Variants in ROCK1 observed in about 807,000 individuals in gnomAD.
The protein encoded by ROCK1 is rho-associated protein kinase 1.
A neutral mutation model predicts 196.8 loss-of-function variants in ROCK1; 36 were observed. That is an observed-to-expected ratio of 0.18 (90% confidence interval 0.14 to 0.24). The LOEUF is 0.24. ROCK1 is among the 10% of genes least tolerant of loss of function. The pLI is 1.00. For synonymous variants in ROCK1, 443 were observed against 515.9 expected (o/e 0.86, Z 1.91); for missense variants, 920 against 1,562.0 (o/e 0.59, Z 6.93).
chr18:20,963,851 A>G (rs981627307), intron 27 of ROCK1, among the ~76,000 whole-genome samples: 2 of 152,196 alleles, frequency 1.3e-5, no homozygotes, highest in Non-Finnish European at 2.9e-5. Flanking sequence ...CAAAGAGAAG[A>G]TAAAGACATA....
At chr18:21,068,296 T>G (rs1198186582) in intron 2 of ROCK1, among the ~76,000 whole-genome samples, 1 of 152,206 alleles carries the variant, frequency 6.6e-6, no homozygotes, top group African/African-American at 2.4e-5. Flanking sequence ...TTTGTTGAAA[T>G]CAATTAACCA....
At chr18:20,974,115 T>TCC (rs996799118) in intron 22 of ROCK1, among the ~76,000 whole-genome samples, 3 of 152,142 alleles carry the variant, frequency 2.0e-5, no homozygotes, top group African/African-American at 7.2e-5. Context: ...AATATCCTCC[T>TCC]CCCCCAGTTT....
Position 20,960,179 on chromosome 18 carries a change from A to G in ROCK1, c.3380T>C (p.Val1127Ala). 2 of 1,599,160 alleles carry G rather than the reference A, an allele frequency of 1.3e-6. No individual in the cohort carries two copies. Among genetic ancestry groups the G allele is most frequent in the South Asian group, 1.1e-5 (1 of 90,784 alleles). ...TCGTTTGATATTTCCTCTATTTGGTACTGAAAGCCAACCTTCAATTCTTGA... is the reference window on the plus strand; with the variant it reads ...TCGTTTGATATTTCCTCTATTTGGTGCTGAAAGCCAACCTTCAATTCTTGA... ...PESRIEGWLS[V>A]PNRGNIKRYG... The change falls in exon 28 of 33, where the codon GTA becomes GCA. Residue 1127 changes from valine to alanine, a missense_variant. Val to Ala is a moderately conservative substitution (Grantham distance 64). This residue lies in a region of ROCK1 where 116 missense variants were observed against 204.2 expected (regional missense o/e 0.57). Transcript: ENST00000399799.
chr18:20,971,345 T>TACAC (rs368486910), intron 22 of ROCK1, among the ~76,000 whole-genome samples: 125,705 of 147,498 alleles, frequency 0.85, 54,612 homozygotes, highest in East Asian at 0.98. Flanking sequence ...CACACACACA[T>TACAC]ACACACAGAA....
At chr18:20,988,017 T>TTA (rs1363662972) in intron 18 of ROCK1, among the ~76,000 whole-genome samples, 1 of 152,132 alleles carries the variant, frequency 6.6e-6, no homozygotes, top group Non-Finnish European at 1.5e-5. Context: ...ATAGATGCCT[T>TTA]TACTTCTGGC....
In ROCK1 at chr18:20,992,873, T is replaced by G; in HGVS notation, c.1950A>C (p.Gly650=). The change falls in exon 17 of 33, where the codon GGA becomes GGC. Residue 650 remains glycine (G), a synonymous_variant. Coordinates refer to ENST00000399799, the MANE Select transcript of ROCK1 (RefSeq NM_005406.3). The part of the protein sequence containing the change: ...HLKHNLEKVE[G]ERKEAQDMLN... ...GCATGTCTTGAGCCTCTTTTCTTTC[T>G]CCTTCCACTTTTTCGAGATTATGTT... 1 of 1,612,382 alleles carries G rather than the reference T, an allele frequency of 6.2e-7. No individual in the cohort carries two copies. Among genetic ancestry groups the G allele is most frequent in the African/African-American group, 1.3e-5 (1 of 75,010 alleles).
chr18:21,043,151 AT>A (rs961248948), intron 6 of ROCK1, among the ~76,000 whole-genome samples: 1 of 152,166 alleles, frequency 6.6e-6, no homozygotes, highest in African/African-American at 2.4e-5. Context: ...TTTACAACAT[AT>A]TGGTATAAAC....
chr18:21,091,652 T>C (rs1207059554), intron 1 of ROCK1, among the ~76,000 whole-genome samples: 2 of 151,900 alleles, frequency 1.3e-5, no homozygotes, highest in Non-Finnish European at 2.9e-5. Flanking sequence ...GCTAGTTGAA[T>C]CTTTACATTA....
chr18:21,000,828 G>A (rs2035717379), intron 16 of ROCK1, among the ~76,000 whole-genome samples: 1 of 152,144 alleles, frequency 6.6e-6, no homozygotes, highest in South Asian at 2.1e-4. Context: ...AAATGGTGCA[G>A]CCATTGCAGA....
At chr18:21,041,576 C>CTA (rs2036107172) in intron 8 of ROCK1, among the ~76,000 whole-genome samples, 1 of 151,986 alleles carries the variant, frequency 6.6e-6, no homozygotes, top group South Asian at 2.1e-4. Flanking sequence ...GGAACACCAA[C>CTA]TATTATGTCT....
At chr18:21,033,572 T>G (rs2036028761) in intron 9 of ROCK1, among the ~76,000 whole-genome samples, 1 of 151,814 alleles carries the variant, frequency 6.6e-6, no homozygotes, top group Admixed American at 6.6e-5. Context: ...GATCCTATCA[T>G]AGAAAACCCT....
intron 4 of ROCK1, among the ~76,000 whole-genome samples, chr18:21,046,778 T>C (rs115306079): frequency 0.014 from 2,145 of 152,342 alleles, 57 homozygotes; most frequent in African/African-American, 0.05. Context: ...ATGTTTGTCT[T>C]AAAATCTTCT....
At chr18:21,075,810 G>C (rs767387673) in intron 1 of ROCK1, among the ~76,000 whole-genome samples, 2 of 151,818 alleles carry the variant, frequency 1.3e-5, no homozygotes, top group African/African-American at 4.8e-5. Flanking sequence ...AAAATTAGCC[G>C]GGTATGGGGA....
intron 29 of ROCK1, among the ~76,000 whole-genome samples, chr18:20,959,365 C>T: frequency 6.8e-6 from 1 of 147,810 alleles, no homozygotes; most frequent in Non-Finnish European, 1.5e-5. Context: ...GCGCCTGCCA[C>T]CACGCCCAGC....
intron 9 of ROCK1, among the ~76,000 whole-genome samples, chr18:21,031,698 A>T (rs2036009454): frequency 6.6e-6 from 1 of 151,928 alleles, no homozygotes; most frequent in South Asian, 2.1e-4. Context: ...AAACTCTCTT[A>T]AATGTGTTCA....
intron 1 of ROCK1, among the ~76,000 whole-genome samples, chr18:21,098,635 CAAA>C (rs56405711): frequency 2.8e-5 from 4 of 140,938 alleles, no homozygotes; most frequent in Admixed American, 7.0e-5. Flanking sequence ...TGAAAAATTG[CAAA>C]AAAAAAAAAA....
intron 27 of ROCK1, among the ~76,000 whole-genome samples, chr18:20,964,320 CT>C (rs2035353337): frequency 6.6e-6 from 1 of 152,034 alleles, no homozygotes; most frequent in Non-Finnish European, 1.5e-5. Context: ...TGATATGTAA[CT>C]ATCTAATATT....
At position 21,002,919 on chromosome 18, in the gene ROCK1, T is replaced by C. The variant is rs1170385503; in HGVS notation, c.1885+3432A>G. On this transcript the variant is annotated intron_variant, in intron 16 of 32. Coordinates refer to ENST00000399799, the MANE Select transcript of ROCK1 (RefSeq NM_005406.3). ...CCATACCTCGCTAATTTTTTATTTT[T>C]TGTAGAGATGAGGTTTCGTCATGTT... Among the ~76,000 whole-genome samples, 3 of 152,052 alleles carry C rather than the reference T, an allele frequency of 2.0e-5. No homozygotes were observed. In the East Asian group the frequency reaches 5.8e-4, roughly 29 times the overall value.
intron 16 of ROCK1, among the ~76,000 whole-genome samples, chr18:21,002,982 C>T (rs1031220932): frequency 6.6e-6 from 1 of 152,040 alleles, no homozygotes; most frequent in Non-Finnish European, 1.5e-5. Context: ...TCAAGAGATC[C>T]ACCCACCTCA....
Sources: allele counts gnomAD v4.1 joint callset (sites outside exome capture counted in the v4.1 genomes callset), GRCh38; gene constraint gnomAD v4.1.1; regional missense constraint gnomAD v4.1.1; transcripts MANE v1.5; gene names NCBI Gene and HGNC (gene_info 2026-07-23, HGNC 2026-07-21).